Variants in GTPBP1 observed in about 807,000 individuals in gnomAD.
GTPBP1 encodes GTP binding protein 1.
In GTPBP1, 23 loss-of-function variants were observed where a neutral mutation model predicts 62.0. The observed-to-expected ratio is 0.37, with a 90% CI of 0.27 to 0.53. GTPBP1 has a LOEUF of 0.53. Among genes scored for constraint, GTPBP1 ranks in the 20% least tolerant of loss-of-function variants. The pLI is 0.89. For synonymous variants in GTPBP1, 344 were observed against 364.4 expected (o/e 0.94, Z 0.64); for missense variants, 640 against 917.3 (o/e 0.70, Z 3.90).
At chr22:38,736,372 C>T (rs762525284), downstream of GTPBP1, 21 of 1,613,206 alleles carry the variant, frequency 1.3e-5, no homozygotes, top group Middle Eastern at 1.7e-4. Flanking sequence ...ACGTGGCCAT[C>T]GTAGGGGCCT....
downstream of GTPBP1, chr22:38,739,167 G>C (rs1394199890): frequency 1.1e-6 from 1 of 895,764 alleles, no homozygotes; most frequent in Non-Finnish European, 1.8e-6. The surrounding 1 kb of genome is among the most constrained non-coding windows in gnomAD (Gnocchi z 6.7). Context: ...GATGGTACTC[G>C]GTACGTCCTG....
At chr22:38,722,653 C>G (rs1056344359) in intron 5 of GTPBP1, 1 of 1,504,246 alleles carries the variant, frequency 6.6e-7, no homozygotes, top group Non-Finnish European at 9.0e-7. Context: ...TCCTTGCCTT[C>G]TACAGATAAT....
At chr22:38,742,179 G>T, downstream of GTPBP1, 1 of 1,245,370 alleles carries the variant, frequency 8.0e-7, no homozygotes, top group South Asian at 1.6e-5. Context: ...GAGAAAGGGA[G>T]TAACTGCAAA....
chr22:38,728,390 C>T, intron 10 of GTPBP1: 2 of 523,754 alleles, frequency 3.8e-6, no homozygotes. Flanking sequence ...GTATGATCTT[C>T]CTCCATAGAA....
intron 1 of GTPBP1, chr22:38,706,612 CA>C (rs1436827735): frequency 6.3e-6 from 1 of 158,312 alleles, no homozygotes; most frequent in Admixed American, 6.3e-5. Context: ...CTCATGAAGA[CA>C]GGTAGTCGGA....
At chr22:38,742,057 C>T (rs113604427), downstream of GTPBP1, among the ~76,000 whole-genome samples, 178 of 151,870 alleles carry the variant, frequency 1.2e-3, no homozygotes, top group African/African-American at 3.9e-3. Context: ...GCAAGAGAAT[C>T]GCTTGAACCT....
downstream of GTPBP1, chr22:38,737,910 C>T (rs1321710613): frequency 1.5e-6 from 1 of 658,876 alleles, no homozygotes; most frequent in Non-Finnish European, 2.9e-6. This position sits in a 1 kb window ranked among gnomAD's most constrained non-coding sequence, Gnocchi z 4.1. Flanking sequence ...GGCCACCCAA[C>T]CCCTCTTGTG....
rs768690159 is a variant in GTPBP1 at position 38,727,293 on chromosome 22, C to A, written c.1482C>A (p.Ala494=). The A allele has an allele frequency of 6.2e-7, 1 of 1,600,614 alleles. No individual in the cohort carries two copies. Among genetic ancestry groups the A allele is most frequent in the Non-Finnish European group, 8.5e-7 (1 of 1,173,348 alleles). ...LNPQASWEFE[A]EILVLHHPTT... ...CCCAAGCCTCCTGGGAGTTTGAGGCCGAGATTCTCGTCCTCCACCACCCCA... is the reference window on the plus strand; with the variant it reads ...CCCAAGCCTCCTGGGAGTTTGAGGCAGAGATTCTCGTCCTCCACCACCCCA... Residue 494 remains alanine, a synonymous_variant, in exon 9 of 12, where the codon GCC becomes GCA. Coordinates refer to ENST00000216044, the MANE Select transcript of GTPBP1 (RefSeq NM_004286.5). The surrounding 1 kb of genome is among the most constrained non-coding windows in gnomAD (Gnocchi z 6.5).
chr22:38,714,431 A>T (rs1010701265), intron 2 of GTPBP1, among the ~76,000 whole-genome samples: 2 of 139,668 alleles, frequency 1.4e-5, no homozygotes. Flanking sequence ...GTGAGCAAGG[A>T]TTGTGCCACT....
downstream of GTPBP1, chr22:38,736,176 AAGTC>A (rs1382803304): frequency 6.5e-6 from 8 of 1,230,390 alleles, no homozygotes; most frequent in African/African-American, 4.5e-5. Flanking sequence ...GTGCTCCTAG[AAGTC>A]AGAGCGCCGA....
chr22:38,713,511 A>G (rs1474727216), intron 2 of GTPBP1, among the ~76,000 whole-genome samples: 1 of 152,150 alleles, frequency 6.6e-6, no homozygotes, highest in African/African-American at 2.4e-5. Flanking sequence ...GACATCAGGG[A>G]AGGAGGCAAG....
At chr22:38,734,031 A>T, downstream of GTPBP1, 1 of 252,454 alleles carries the variant, frequency 4.0e-6, no homozygotes, top group Non-Finnish European at 8.0e-6. Flanking sequence ...CTGTCTCCCA[A>T]GAGGCTGAGG....
At chr22:38,721,602 G>A (rs1442026980) in intron 4 of GTPBP1, 140 bp from the exon 5 acceptor site, 6 of 620,352 alleles carry the variant, frequency 9.7e-6, no homozygotes, top group East Asian at 2.7e-5. Flanking sequence ...CGATTTTGAC[G>A]CCCCACATCA....
chr22:38,707,033 G>A (rs193277552), intron 1 of GTPBP1, among the ~76,000 whole-genome samples: 5 of 152,342 alleles, frequency 3.3e-5, no homozygotes, highest in East Asian at 1.9e-4. Flanking sequence ...GCTCTGTGAC[G>A]TTGGGAAAGT....
rs1025770715 is a variant in GTPBP1, at chr22:38,730,551, C to T, written c.1918-61C>T. On this transcript the variant is annotated intron_variant, in intron 11 of 11. Coordinates refer to ENST00000216044, the MANE Select transcript of GTPBP1 (RefSeq NM_004286.5). This position sits in a 1 kb window ranked among gnomAD's most constrained non-coding sequence, Gnocchi z 5.6. ...CCTGTCTCCCCGCTGCTCAGCACCT[C>T]TGCTCTCTGGCCCTGCTCCTGATGG... is the stretch of plus-strand genomic sequence containing the variant. The T allele has an allele frequency of 1.7e-6, 2 of 1,144,302 alleles. No individual in the cohort carries two copies. The highest frequency in any genetic ancestry group is 2.6e-6 in the Non-Finnish European group (2 of 764,194). 70.9% of individuals were successfully genotyped at this position (1,144,302 alleles called of 1,614,324 possible).
downstream of GTPBP1, chr22:38,742,161 GAAAAA>G (rs1168879547): frequency 9.4e-7 from 1 of 1,058,524 alleles, no homozygotes; most frequent in African/African-American, 1.6e-5. Flanking sequence ...AAAAAAAAAA[GAAAAA>G]AAGAGAAAGG....
rs767458233 is a variant in GTPBP1, at chr22:38,726,463, G to A, written c.1401+23G>A. 3 of 1,597,872 alleles carry A rather than the reference G, an allele frequency of 1.9e-6. No individual in the cohort carries two copies. Among genetic ancestry groups the A allele is most frequent in the East Asian group, 2.2e-5 (1 of 44,798 alleles). On this transcript the variant is annotated intron_variant, in intron 8 of 11. Coordinates refer to ENST00000216044, the MANE Select transcript of GTPBP1 (RefSeq NM_004286.5). The surrounding 1 kb of genome is among the most constrained non-coding windows in gnomAD (Gnocchi z 4.1). The stretch of plus-strand genomic sequence containing the variant: ...AAGGTGAGTAGCGATGATACTGAAC[G>A]CTCCCCTCAGACTCCATCATGCTAG...
intron 1 of GTPBP1, chr22:38,706,457 G>A (rs2092605249): frequency 8.4e-6 from 2 of 238,642 alleles, no homozygotes; most frequent in African/African-American, 4.5e-5. Context: ...TGCCAGCTGC[G>A]CTCCGCGCGT....
At chr22:38,721,542 A>G (rs1011609362) in intron 4 of GTPBP1, among the ~76,000 whole-genome samples, 200 bp from the exon 5 acceptor site, 11 of 152,162 alleles carry the variant, frequency 7.2e-5, no homozygotes, top group Non-Finnish European at 7.4e-5. Flanking sequence ...GGCTCAGGAC[A>G]GTTGTTTCCC....
Sources: allele counts gnomAD v4.1 joint callset (sites outside exome capture counted in the v4.1 genomes callset), GRCh38; gene constraint gnomAD v4.1.1; non-coding constraint Gnocchi (gnomAD v3.1); transcripts MANE v1.5; gene names NCBI Gene and HGNC (gene_info 2026-07-23, HGNC 2026-07-21).